The following KIF27 variants were observed in gnomAD, a reference collection of about 807,000 sequenced individuals.
KIF27 encodes kinesin-like protein KIF27.
KIF27 carries 84 observed loss-of-function variants against 141.8 expected under a neutral mutation model. The observed-to-expected ratio is 0.59, with a 90% CI of 0.50 to 0.71. The LOEUF (loss-of-function observed/expected upper bound fraction) is 0.71. Among genes scored for constraint, KIF27 ranks in the 30% least tolerant of loss-of-function variants. The probability of loss-of-function intolerance (pLI) is 0.00; values close to 1 mark genes in which losing one functional copy is unlikely to be tolerated. For missense variants in KIF27, 1,306 were observed against 1,628.4 expected, an observed-to-expected ratio of 0.80 and a Z score of 3.41; for synonymous variants, 471 against 569.5, an observed-to-expected ratio of 0.83 and a Z score of 2.46.
chr9:83,911,522 C>A (rs1415562072), intron 2 of KIF27, among the ~76,000 whole-genome samples: 2 of 152,110 alleles, frequency 1.3e-5, no homozygotes, highest in African/African-American at 4.8e-5. Context: ...AGCCACCACA[C>A]CCGGCCCACT....
At chr9:83,908,758 CT>C (rs11364843) in intron 2 of KIF27, 106 bp from the exon 3 acceptor site, 101,842 of 449,940 alleles carry the variant, frequency 0.23, 2,725 homozygotes, top group East Asian at 0.26. Context: ...TATATTATAA[CT>C]TTTTTTTTTT....
intron 16 of KIF27, among the ~76,000 whole-genome samples, chr9:83,848,069 TG>T (rs1363733797): frequency 0.49 from 2,945 of 6,020 alleles, 694 homozygotes; most frequent in African/African-American, 0.67. Flanking sequence ...ATCATATATA[TG>T]ATATATGATA....
At chr9:83,882,260 C>A (rs1325165308) in intron 10 of KIF27, among the ~76,000 whole-genome samples, 5 of 151,898 alleles carry the variant, frequency 3.3e-5, no homozygotes, top group African/African-American at 1.2e-4. Flanking sequence ...TATTTGAGAG[C>A]CTGAGGCAAG....
intron 1 of KIF27, among the ~76,000 whole-genome samples, chr9:83,917,495 A>G (rs1254959462): frequency 6.6e-6 from 1 of 152,236 alleles, no homozygotes; most frequent in African/African-American, 2.4e-5. Context: ...CAAGAGACAG[A>G]GAATAACCAA....
At chr9:83,847,595 A>T (rs2131583742) in intron 16 of KIF27, 1 of 152,522 alleles carries the variant, frequency 6.6e-6, no homozygotes, top group Admixed American at 6.5e-5. Context: ...ACTGGATTGA[A>T]GGATGCAAAG....
chr9:83,917,131 C>G (rs190388841), intron 1 of KIF27, among the ~76,000 whole-genome samples: 5 of 151,996 alleles, frequency 3.3e-5, no homozygotes, highest in African/African-American at 9.7e-5. Context: ...ATCCCTCCCC[C>G]CTTCCCCCAC....
intron 8 of KIF27, among the ~76,000 whole-genome samples, 186 bp from the exon 9 acceptor site, chr9:83,887,382 G>A (rs1213758828): frequency 1.3e-5 from 2 of 152,142 alleles, no homozygotes; most frequent in Non-Finnish European, 2.9e-5. Context: ...CTTACAGTAA[G>A]AGTTTTTATT....
In KIF27 at chr9:83,859,182, T is replaced by G; in HGVS notation, c.3124A>C (p.Lys1042Gln). Residue 1042 changes from lysine to glutamine, a missense_variant, in exon 14 of 18, where the codon AAA (lysine) becomes CAA (glutamine). Lys to Gln is a moderately conservative substitution (Grantham distance 53, BLOSUM62 1). Transcript: ENST00000297814. The part of the protein sequence containing the change: ...KRRHNVDEKL[K>Q]NGRVLSPEEE... ...TCAGGTGATAACACTCTACCATTTT[T>G]AAGTTTTTCATCCACATTGTGTCTG... The G allele has an allele frequency of 1.2e-6, 2 of 1,613,642 alleles. No individual in the cohort carries two copies. Among genetic ancestry groups the G allele is most frequent in the Middle Eastern group, 1.6e-4 (1 of 6,062 alleles).
intron 16 of KIF27, among the ~76,000 whole-genome samples, chr9:83,843,216 C>T (rs1946800787): frequency 2.1e-5 from 3 of 146,054 alleles, no homozygotes; most frequent in Admixed American, 1.4e-4. Flanking sequence ...AGGAAAACAC[C>T]ACAGAAAAAG....
intron 11 of KIF27, among the ~76,000 whole-genome samples, chr9:83,876,276 A>G (rs1193063406): frequency 1.3e-5 from 2 of 152,144 alleles, no homozygotes; most frequent in East Asian, 1.9e-4. Context: ...TCACTGGGTT[A>G]TCTTATAGTG....
rs531884922 is a variant in KIF27, at chr9:83,899,700, A to G, written c.1563T>C (p.Ala521=). 1.2e-6 allele frequency: 2 copies of G among 1,613,456 alleles called. No homozygotes were observed. Among genetic ancestry groups the G allele is most frequent in the South Asian group, 2.2e-5 (2 of 91,056 alleles). Residue 521 remains alanine (A), a synonymous_variant, in exon 5 of 18, where the codon GCT becomes GCC. Coordinates refer to ENST00000297814, the MANE Select transcript of KIF27 (RefSeq NM_017576.4). ...QMMVQENKGH[A]VSLKEAQKVN... ...CTTTTTGCGCTTCTTTCAAAGATAC[A>G]GCATGCCCTTTGTTTTCCTGTACCA...
At chr9:83,882,554 T>C (rs960296329) in intron 10 of KIF27, among the ~76,000 whole-genome samples, 1 of 152,218 alleles carries the variant, frequency 6.6e-6, no homozygotes, top group African/African-American at 2.4e-5. Flanking sequence ...TGGTAACTAC[T>C]GTCCTCCTCA....
chr9:83,845,517 C>T (rs958562596), intron 16 of KIF27, among the ~76,000 whole-genome samples: 7 of 152,198 alleles, frequency 4.6e-5, no homozygotes, highest in African/African-American at 1.7e-4. Flanking sequence ...TGGGGAGTTC[C>T]CTATGATCAG....
rs1447419776 is a variant in KIF27 at position 83,908,389 on chromosome 9, AATTAAAGC to A, written c.499+55_499+62del. 137 of 902,010 alleles carry A rather than the reference AATTAAAGC, an allele frequency of 1.5e-4. 1 individual carries two copies. The highest frequency in any genetic ancestry group is 2.3e-5 in the Non-Finnish European group (14 of 598,498). 55.9% of individuals were successfully genotyped at this position (902,010 alleles called of 1,614,324 possible). A position where few individuals can be genotyped will look rare whatever the true frequency, so the allele number is the denominator to read the frequency against. ...TTCCTTGGAATATATCCAGAAACTT[AATTAAAGC>A]ATTAAAGCATGTCTGTTTGCTAATG... is the stretch of plus-strand genomic sequence containing the variant. On this transcript the variant is annotated intron_variant, in intron 3 of 17. Coordinates refer to ENST00000297814, the MANE Select transcript of KIF27 (RefSeq NM_017576.4).
intron 14 of KIF27, chr9:83,858,443 T>C (rs1949511040): frequency 6.6e-6 from 1 of 152,042 alleles, no homozygotes; most frequent in Non-Finnish European, 1.5e-5. Flanking sequence ...ACAATAAATA[T>C]TTGCAGAGGA....
intron 5 of KIF27, among the ~76,000 whole-genome samples, chr9:83,893,054 G>A (rs1451624389): frequency 3.3e-5 from 5 of 152,140 alleles, no homozygotes; most frequent in Non-Finnish European, 7.4e-5. Flanking sequence ...GGACAACATG[G>A]TGAAGAACCC....
Position 83,889,258 on chromosome 9 carries a change from C to A in KIF27, c.1810-5G>T, listed in dbSNP as rs750997714. ...CATAGGCGGACTTGTGTGGACCTTG[C>A]AAGTGATTCCCCCACCCAACAACAA... On this transcript the variant is annotated splice_polypyrimidine_tract_variant and splice_region_variant and intron_variant, in intron 6 of 17. Coordinates refer to ENST00000297814, the MANE Select transcript of KIF27 (RefSeq NM_017576.4). The A allele has an allele frequency of 4.4e-6, 7 of 1,583,162 alleles. No homozygotes were observed. The highest frequency in any genetic ancestry group is 1.2e-5 in the South Asian group (1 of 86,052).
intron 5 of KIF27, among the ~76,000 whole-genome samples, chr9:83,897,132 A>G (rs1212278299): frequency 2.6e-5 from 4 of 152,168 alleles, no homozygotes; most frequent in African/African-American, 9.6e-5. Context: ...AATTAAAATA[A>G]AATTTATATG....
chr9:83,849,386 A>C (rs970848729), intron 16 of KIF27: 2 of 152,306 alleles, frequency 1.3e-5, no homozygotes, highest in Non-Finnish European at 2.9e-5. Context: ...CTTCTTCCAG[A>C]TCCCTTTTGA....
Sources: allele counts gnomAD v4.1 joint callset (sites outside exome capture counted in the v4.1 genomes callset), GRCh38; gene constraint gnomAD v4.1.1; transcripts MANE v1.5; gene names NCBI Gene and HGNC (gene_info 2026-07-23, HGNC 2026-07-21).